Variants in GABRA1 observed in about 807,000 individuals in gnomAD.
The protein encoded by GABRA1 is gamma-aminobutyric acid type A receptor subunit alpha1.
In GABRA1, 9 loss-of-function variants were observed where a neutral mutation model predicts 48.9. The ratio of observed to expected loss-of-function variants is 0.18; its 90% CI spans 0.11 to 0.32. The LOEUF (loss-of-function observed/expected upper bound fraction) is 0.32. Ranked by LOEUF, GABRA1 falls within the 10% of genes least tolerant of loss-of-function variation. The pLI is 1.00. For synonymous variants in GABRA1, 210 were observed against 198.7 expected (o/e 1.06, Z -0.48); for missense variants, 285 against 553.8 (o/e 0.51, Z 4.87).
intron 7 of GABRA1, among the ~76,000 whole-genome samples, 182 bp downstream of exon 7, chr5:161,882,883 G>A (rs1754677235): frequency 6.6e-6 from 1 of 152,134 alleles, no homozygotes; most frequent in South Asian, 2.1e-4. Flanking sequence ...GTCATTTAAT[G>A]CCTCTTGGCC....
intron 6 of GABRA1, chr5:161,882,249 C>A: frequency 2.5e-6 from 1 of 392,636 alleles, no homozygotes; most frequent in Non-Finnish European, 4.8e-6. Context: ...GTTTTTGTCC[C>A]CACTGCTACA....
chr5:161,847,983 GAGAGA>G (rs1197878201), upstream of GABRA1: 1 of 152,042 alleles, frequency 6.6e-6, no homozygotes, highest in African/African-American at 2.4e-5. Flanking sequence ...CCTGCAGCTA[GAGAGA>G]AGGGGATTAG....
At chr5:161,873,879 A>T (rs1414663067) in intron 5 of GABRA1, among the ~76,000 whole-genome samples, 1 of 152,166 alleles carries the variant, frequency 6.6e-6, no homozygotes, top group East Asian at 1.9e-4. Context: ...TTTTATAAAC[A>T]TTTCCCTCTC....
Position 161,856,350 on chromosome 5 carries a change from T to C in GABRA1, c.187+2080T>C, listed in dbSNP as rs574360766. On this transcript the variant is annotated intron_variant, in intron 3 of 9. Transcript: ENST00000393943. Reference sequence around the variant, plus strand: ...CCAGAAAATAACAAAAATAGATATGTATTTAAAGAGCAGAAATAGTAGTTG... The same window carrying C: ...CCAGAAAATAACAAAAATAGATATGCATTTAAAGAGCAGAAATAGTAGTTG... 4.0e-5 allele frequency among the ~76,000 whole-genome samples: 6 copies of C among 151,576 alleles called. No individual in the cohort carries two copies. In the East Asian group the frequency reaches 9.7e-4, roughly 24 times the overall value.
intron 2 of GABRA1, among the ~76,000 whole-genome samples, chr5:161,852,378 T>C (rs924151169): frequency 6.6e-6 from 1 of 152,080 alleles, no homozygotes; most frequent in Non-Finnish European, 1.5e-5. Flanking sequence ...GTTACCCCAT[T>C]TCATCTTTTA....
At chr5:161,884,612 G>A (rs932448586) in intron 7 of GABRA1, among the ~76,000 whole-genome samples, 2 of 152,074 alleles carry the variant, frequency 1.3e-5, no homozygotes, top group African/African-American at 2.4e-5. Flanking sequence ...TATATTGGGG[G>A]ATAAATAATC....
intron 2 of GABRA1, among the ~76,000 whole-genome samples, chr5:161,851,804 G>A (rs567897189): frequency 6.5e-4 from 99 of 152,200 alleles, no homozygotes; most frequent in African/African-American, 2.2e-3. Flanking sequence ...CTGACAGACA[G>A]GCATTATTAT....
chr5:161,853,078 A>C (rs962069162), intron 2 of GABRA1, among the ~76,000 whole-genome samples: 2 of 151,840 alleles, frequency 1.3e-5, no homozygotes, highest in African/African-American at 4.8e-5. Context: ...TTTTGTACTC[A>C]AGGTCAGAAC....
At chr5:161,893,526 A>G (rs1207750374) in intron 8 of GABRA1, among the ~76,000 whole-genome samples, 1 of 152,206 alleles carries the variant, frequency 6.6e-6, no homozygotes, top group Admixed American at 6.5e-5. Flanking sequence ...AACCAAACAA[A>G]CAAACAAAAG....
intron 7 of GABRA1, among the ~76,000 whole-genome samples, chr5:161,889,786 A>G (rs547555882): frequency 6.6e-6 from 1 of 152,146 alleles, no homozygotes; most frequent in Non-Finnish European, 1.5e-5. Context: ...ATGCTGCTAA[A>G]CATTCTGCAA....
At chr5:161,849,451 C>G (rs1243309128) in intron 1 of GABRA1, among the ~76,000 whole-genome samples, 1 of 152,124 alleles carries the variant, frequency 6.6e-6, no homozygotes, top group Non-Finnish European at 1.5e-5. Context: ...AAACCAGTCA[C>G]TAAATTACTA....
chr5:161,895,031 T>A (rs544421690), intron 8 of GABRA1, among the ~76,000 whole-genome samples: 1 of 130,614 alleles, frequency 7.7e-6, no homozygotes, highest in Non-Finnish European at 1.7e-5. Context: ...TATATGTGTA[T>A]ATATATATAT....
chr5:161,852,255 A>G (rs545122060), intron 2 of GABRA1, among the ~76,000 whole-genome samples: 2 of 152,230 alleles, frequency 1.3e-5, no homozygotes, highest in African/African-American at 4.8e-5. Context: ...AACCAGGAAG[A>G]AAAGCATTTT....
chr5:161,858,473 G>T (rs1207076975), intron 3 of GABRA1, among the ~76,000 whole-genome samples: 5 of 151,422 alleles, frequency 3.3e-5, no homozygotes, highest in African/African-American at 7.3e-5. Context: ...CCTCCCTTTT[G>T]CCCCACCATA....
At chr5:161,895,454 C>T (rs2113463381) in intron 8 of GABRA1, among the ~76,000 whole-genome samples, 1 of 152,248 alleles carries the variant, frequency 6.6e-6, no homozygotes, top group East Asian at 1.9e-4. Flanking sequence ...TTTATTCCTA[C>T]AAGATATCCC....
chr5:161,852,512 C>CA (rs1034461148), intron 2 of GABRA1, among the ~76,000 whole-genome samples: 3 of 151,900 alleles, frequency 2.0e-5, no homozygotes, highest in African/African-American at 7.2e-5. Flanking sequence ...TTGAAAGATG[C>CA]AGGAATGGCA....
At chr5:161,894,144 G>A (rs1348823740) in intron 8 of GABRA1, among the ~76,000 whole-genome samples, 4 of 152,224 alleles carry the variant, frequency 2.6e-5, no homozygotes, top group African/African-American at 9.6e-5. Context: ...CAGGCTAAGA[G>A]CTAAACACTT....
At chr5:161,864,813 A>T (rs1757990371) in intron 3 of GABRA1, among the ~76,000 whole-genome samples, 4 of 27,768 alleles carry the variant, frequency 1.4e-4, no homozygotes, top group Non-Finnish European at 1.9e-4. Flanking sequence ...AAATAATTTA[A>T]AAAGTAAATA....
At chr5:161,868,058 T>C (rs944314868) in intron 4 of GABRA1, among the ~76,000 whole-genome samples, 1 of 151,546 alleles carries the variant, frequency 6.6e-6, no homozygotes, top group Non-Finnish European at 1.5e-5. Flanking sequence ...AAAAAAAAAA[T>C]GAGGTCTTGT....
Sources: allele counts gnomAD v4.1 joint callset (sites outside exome capture counted in the v4.1 genomes callset), GRCh38; gene constraint gnomAD v4.1.1; transcripts MANE v1.5; gene names NCBI Gene and HGNC (gene_info 2026-07-23, HGNC 2026-07-21).